The following RBBP7 variants were observed in gnomAD, a reference collection of about 807,000 sequenced individuals.
The protein encoded by RBBP7 is histone-binding protein RBBP7.
RBBP7 carries 5 observed loss-of-function variants against 35.2 expected under a neutral mutation model. That is an observed-to-expected ratio of 0.14 (90% CI 0.07 to 0.30). The LOEUF is 0.30. RBBP7 is among the 10% of genes least tolerant of loss of function. The probability of loss-of-function intolerance (pLI) is 1.00; values close to 1 mark genes in which losing one functional copy is unlikely to be tolerated. For synonymous variants in RBBP7, 140 were observed against 118.7 expected (o/e 1.18, Z -1.17); for missense variants, 155 against 327.5 (o/e 0.47, Z 4.07).
intron 11 of RBBP7, 136 bp from the exon 12 acceptor site, chrX:16,845,239 G>T: frequency 2.1e-6 from 1 of 483,634 alleles, no homozygotes; most frequent in Non-Finnish European, 3.5e-6. Flanking sequence ...ATAAGGAAAT[G>T]GTAGGCTAGC....
At chrX:16,864,676 G>C (rs1335882890) in intron 2 of RBBP7, among the ~76,000 whole-genome samples, 1 of 109,560 alleles carries the variant, frequency 9.1e-6, no homozygotes, top group East Asian at 2.9e-4. Context: ...CAATGCACAT[G>C]AGCACATGTG....
chrX:16,845,245 C>T (rs1412062114), intron 11 of RBBP7, 142 bp from the exon 12 acceptor site: 10 of 476,176 alleles, frequency 2.1e-5, no homozygotes. Context: ...AAATGGTAGG[C>T]TAGCCAGTAT....
rs1319693560 is a variant in RBBP7 at position 16,857,625 on chromosome X, C to T, written c.566G>A (p.Ser189Asn). The change falls in exon 5 of 12, where the codon AGT (serine) becomes AAT (asparagine). Residue 189 changes from serine to asparagine, a missense_variant. By Grantham distance (46) the Ser-to-Asn change is conservative (BLOSUM62 1). This residue lies in a region of RBBP7 where 79 missense variants were observed against 220.8 expected (regional missense o/e 0.36). Coordinates refer to ENST00000380087, the MANE Select transcript of RBBP7 (RefSeq NM_002893.4). ...GYGLSWNSNL[S>N]GHLLSASDDH... ...ATCAGATGCACTTAGGAGATGTCCA[C>T]TCAAATTTGAATTCCAGGAGAGACC... 9 of 1,208,536 alleles carry T rather than the reference C, an allele frequency of 7.4e-6. No homozygotes were observed. Among genetic ancestry groups the T allele is most frequent in the Non-Finnish European group, 8.9e-6 (8 of 894,669 alleles).
chrX:16,852,669 C>G, intron 7 of RBBP7, 41 bp from the exon 8 acceptor site: 2 of 1,208,378 alleles, frequency 1.7e-6, no homozygotes, highest in Non-Finnish European at 2.2e-6. Context: ...CTATGCTTTA[C>G]CTAAGAATTT....
At chrX:16,850,846 C>T (rs1930194690) in intron 9 of RBBP7, among the ~76,000 whole-genome samples, 1 of 112,371 alleles carries the variant, frequency 8.9e-6, no homozygotes, top group African/African-American at 3.2e-5. Flanking sequence ...TGCCTGTAAT[C>T]CCAGCACTTT....
intron 8 of RBBP7, 166 bp downstream of exon 8, chrX:16,852,385 C>A (rs753612702): frequency 1.6e-6 from 1 of 609,033 alleles, no homozygotes; most frequent in Non-Finnish European, 2.7e-6. Flanking sequence ...ATCCCAGAAG[C>A]TTTTTAATTC....
intron 1 of RBBP7, chrX:16,869,721 C>T (rs1930726509): frequency 1.0e-6 from 1 of 982,708 alleles, no homozygotes; most frequent in South Asian, 4.3e-5. Context: ...TAGAAAGAGC[C>T]GCGGCGCTCG....
intron 10 of RBBP7, chrX:16,848,197 A>T (rs1309638408): frequency 9.0e-6 from 1 of 111,690 alleles, no homozygotes; most frequent in Non-Finnish European, 1.9e-5. Context: ...GGGGATGAAT[A>T]ATGTTCTAGA....
At chrX:16,863,702 GA>G (rs752250284) in intron 2 of RBBP7, among the ~76,000 whole-genome samples, 37 of 112,293 alleles carry the variant, frequency 3.3e-4, no homozygotes, top group African/African-American at 1.2e-3. Context: ...GGCATGATGT[GA>G]AACTCACTGA....
chrX:16,863,117 A>G lies in RBBP7; in HGVS notation c.162-17T>C, dbSNP rs1180667062. The G allele has an allele frequency of 3.3e-6, 4 of 1,198,443 alleles. No homozygotes were observed. The highest frequency in any genetic ancestry group is 1.8e-5 in the South Asian group (1 of 55,730). ...CCTTCAGGTCTGTTTAAGAAAGAAA[A>G]TAAGTCACACTAATCCTACAAGAAA... On this transcript the variant is annotated splice_polypyrimidine_tract_variant and intron_variant, in intron 2 of 11. Coordinates refer to ENST00000380087, the MANE Select transcript of RBBP7 (RefSeq NM_002893.4).
In RBBP7 at chrX:16,852,906, C is replaced by A. The variant is rs186235638; in HGVS notation, c.759-31G>T. ...ACACAAAGGTAAAGGCACACGGCAC[C>A]CAGGGATGACACACTCACATTCGGC... On this transcript the variant is annotated intron_variant, in intron 6 of 11. Transcript: ENST00000380087. The A allele has an allele frequency of 1.0e-4, 126 of 1,206,992 alleles. No homozygotes were observed. The East Asian group carries it at 2.1e-3, about 20-fold the overall frequency.
intron 3 of RBBP7, among the ~76,000 whole-genome samples, chrX:16,860,355 GAA>G (rs1431412016): frequency 9.1e-6 from 1 of 109,505 alleles, no homozygotes; most frequent in Non-Finnish European, 1.9e-5. Context: ...TTAAAATTTT[GAA>G]AAGTCACTGT....
chrX:16,854,596 G>C (rs1453176134), intron 5 of RBBP7, among the ~76,000 whole-genome samples: 2 of 111,255 alleles, frequency 1.8e-5, no homozygotes, highest in Admixed American at 1.9e-4. Flanking sequence ...TCATGGACAA[G>C]TCTTTCACTT....
At chrX:16,865,273 A>G (rs746493656) in intron 2 of RBBP7, among the ~76,000 whole-genome samples, 48 of 111,108 alleles carry the variant, frequency 4.3e-4, no homozygotes, top group Admixed American at 2.3e-3. Flanking sequence ...AAATATTTAA[A>G]AAGAGAAATA....
rs764491267 is a variant in RBBP7, at chrX:16,853,859, G to GA, written c.598-18dup. The GA allele has an allele frequency of 2.4e-3, 2,102 of 871,560 alleles. No homozygotes were observed. Among genetic ancestry groups the GA allele is most frequent in the South Asian group, 3.6e-3 (103 of 28,870 alleles). The allele number at this position is 871,560 out of a possible 1,213,427, so 71.8% of individuals were successfully genotyped here. On this transcript the variant is annotated splice_polypyrimidine_tract_variant and intron_variant, in intron 5 of 11. Transcript: ENST00000380087. The stretch of plus-strand genomic sequence containing the variant: ...ACAAACAGTCTAAGAGAGAAGGAGA[G>GA]AAAAAAAAAAGAACAAGGGCTATAA...
chrX:16,853,725 C>T lies in RBBP7; in HGVS notation c.715G>A (p.Glu239Lys), dbSNP rs1930270126. ...TCAGCAACAGATCCAAACAATGACTCGTGCAGCAGGTGCCAGGCCACATCC... is the reference window on the plus strand; with the variant it reads ...TCAGCAACAGATCCAAACAATGACTTGTGCAGCAGGTGCCAGGCCACATCC... Reference protein sequence around the residue: ...VEDVAWHLLHESLFGSVADDQ... With the variant: ...VEDVAWHLLHKSLFGSVADDQ... Residue 239 changes from glutamate (E) to lysine (K), a missense_variant, in exon 6 of 12, where the codon GAG becomes AAG. Glu to Lys is a moderately conservative substitution (Grantham distance 56, BLOSUM62 1). Transcript: ENST00000380087. The T allele has an allele frequency of 8.5e-7, 1 of 1,178,765 alleles. No individual in the cohort carries two copies. The highest frequency in any genetic ancestry group is 1.1e-6 in the Non-Finnish European group (1 of 880,946).
chrX:16,866,710 G>A (rs1238497605), intron 2 of RBBP7, among the ~76,000 whole-genome samples: 1 of 109,855 alleles, frequency 9.1e-6, no homozygotes, highest in Non-Finnish European at 1.9e-5. Flanking sequence ...GGCCTATGAG[G>A]TGGAGTAGGA....
In RBBP7 at chrX:16,845,911, T is replaced by C; in HGVS notation, c.1126A>G (p.Ile376Val). 8.3e-7 allele frequency: 1 copy of C among 1,210,976 alleles called. No individual in the cohort carries two copies. Among genetic ancestry groups the C allele is most frequent in the Non-Finnish European group, 1.1e-6 (1 of 895,191 alleles). ...TTGGGGTTCCAGCTAAAATCTGAAA[T>C]CTTAGCAGTGTGTCCTCCATGAATA... ...LFIHGGHTAK[I>V]SDFSWNPNEP... The change falls in exon 11 of 12, where the codon ATT becomes GTT. Residue 376 changes from isoleucine to valine, a missense_variant. Ile to Val is a conservative substitution (Grantham distance 29). Coordinates refer to ENST00000380087, the MANE Select transcript of RBBP7 (RefSeq NM_002893.4).
Position 16,862,942 on chromosome X carries a change from A to G in RBBP7, c.307+13T>C. The G allele has an allele frequency of 8.3e-7, 1 of 1,207,660 alleles. No individual in the cohort carries two copies. The highest frequency in any genetic ancestry group is 1.1e-6 in the Non-Finnish European group (1 of 892,045). On this transcript the variant is annotated intron_variant, in intron 3 of 11. Coordinates refer to ENST00000380087, the MANE Select transcript of RBBP7 (RefSeq NM_002893.4). ...CCCTTTGACACCAATATTGGAATAT[A>G]TGATATACCTACCACCCTTGTCACT...
Sources: gnomAD v4.1 joint callset for allele counts (sites outside exome capture counted in the v4.1 genomes callset) on GRCh38, gnomAD v4.1.1 for gene constraint, gnomAD v4.1.1 regional missense constraint, MANE v1.5 for transcripts, NCBI Gene and HGNC (gene_info 2026-07-23, HGNC 2026-07-21) for gene names.